The following ZNF329 variants were observed in gnomAD, a reference collection of about 807,000 sequenced individuals.
ZNF329 encodes the protein zinc finger protein 329.
In ZNF329, 15 loss-of-function variants were observed where a neutral mutation model predicts 26.6. The observed-to-expected ratio is 0.56, with a 90% CI of 0.38 to 0.87. ZNF329 has a LOEUF of 0.87. Ranked by LOEUF, ZNF329 falls within the 40% of genes least tolerant of loss-of-function variation. The pLI, the probability that ZNF329 is intolerant of heterozygous loss-of-function variation, is 0.00. For synonymous variants in ZNF329, 239 were observed against 233.5 expected (o/e 1.02, Z -0.21); for missense variants, 651 against 651.9 (o/e 1.00, Z 0.02).
At chr19:58,137,619 G>A (rs1477086448) in intron 3 of ZNF329, among the ~76,000 whole-genome samples, 1 of 151,342 alleles carries the variant, frequency 6.6e-6, no homozygotes, top group Non-Finnish European at 1.5e-5. Context: ...AGAAAATGAA[G>A]AAAACCAAGT....
chr19:58,147,559 C>A (rs2075348547), intron 1 of ZNF329, among the ~76,000 whole-genome samples: 1 of 141,806 alleles, frequency 7.1e-6, no homozygotes, highest in South Asian at 2.2e-4. Context: ...GGGGTCAGCC[C>A]CCCGCCCGGC....
At chr19:58,144,888 C>T (rs1331548678) in intron 1 of ZNF329, among the ~76,000 whole-genome samples, 7 of 140,534 alleles carry the variant, frequency 5.0e-5, no homozygotes, top group Middle Eastern at 3.9e-3. Context: ...TTTGATCTGT[C>T]ACCCAGGCTG....
At position 58,128,117 on chromosome 19, in the gene ZNF329, C is replaced by G; in HGVS notation, c.1387G>C (p.Ala463Pro). 1 of 1,597,106 alleles carries G rather than the reference C, an allele frequency of 6.3e-7. No homozygotes were observed. The highest frequency in any genetic ancestry group is 8.5e-7 in the Non-Finnish European group (1 of 1,171,706). The change falls in exon 4 of 4, where the codon GCC becomes CCC. Residue 463 changes from alanine (A) to proline (P), a missense_variant. Transcript: ENST00000598312. ...KPYECNQCGK[A>P]FRDSSCLTKH... ...GTCAGACAGGAGCTGTCCCTGAAGG[C>G]TTTGCCACACTGATTACACTCATAG... is the stretch of plus-strand genomic sequence containing the variant.
chr19:58,149,411 T>G (rs1190254327), intron 1 of ZNF329, among the ~76,000 whole-genome samples: 1 of 152,150 alleles, frequency 6.6e-6, no homozygotes, highest in African/African-American at 2.4e-5. Flanking sequence ...TGTTGGGTTA[T>G]AGCTCGGGAC....
upstream of ZNF329, among the ~76,000 whole-genome samples, chr19:58,152,955 T>A (rs541352415): frequency 6.6e-6 from 1 of 152,174 alleles, no homozygotes; most frequent in African/African-American, 2.4e-5. Flanking sequence ...ATCAGAAGAA[T>A]AGAAGAGTAT....
chr19:58,151,798 C>T (rs1176223547), upstream of ZNF329, among the ~76,000 whole-genome samples: 1 of 152,082 alleles, frequency 6.6e-6, no homozygotes, highest in Non-Finnish European at 1.5e-5. Flanking sequence ...GATTGTCCAA[C>T]CTCAAGAAAG....
chr19:58,150,290 A>ACT (rs2075419710), intron 1 of ZNF329, among the ~76,000 whole-genome samples: 1 of 152,238 alleles, frequency 6.6e-6, no homozygotes, highest in Non-Finnish European at 1.5e-5. Context: ...GGCTCAGCCC[A>ACT]CTGGCTCACG....
intron 1 of ZNF329, among the ~76,000 whole-genome samples, chr19:58,143,896 C>T (rs959435043): frequency 5.3e-5 from 8 of 152,048 alleles, no homozygotes; most frequent in Non-Finnish European, 8.8e-5. Context: ...GCCTGGCCAA[C>T]ATAGTGAAAC....
intron 3 of ZNF329, among the ~76,000 whole-genome samples, chr19:58,140,710 A>G (rs942959423): frequency 2.0e-5 from 3 of 151,290 alleles, no homozygotes; most frequent in African/African-American, 7.3e-5. Context: ...CACCGCGCCC[A>G]GCCCTTTTTT....
intron 1 of ZNF329, among the ~76,000 whole-genome samples, chr19:58,147,532 C>T (rs867428926): frequency 4.1e-4 from 55 of 134,742 alleles, no homozygotes; most frequent in African/African-American, 1.5e-3. Context: ...AGCCGCCCCG[C>T]CCGGGAGGGA....
upstream of ZNF329, among the ~76,000 whole-genome samples, chr19:58,151,240 A>G (rs924180589): frequency 1.3e-5 from 2 of 152,186 alleles, no homozygotes; most frequent in African/African-American, 4.8e-5. Context: ...GTTGAAAATG[A>G]AAACTACACA....
chr19:58,128,430 G>A lies in ZNF329; in HGVS notation c.1074C>T (p.Leu358=). Residue 358 remains leucine (L), a synonymous_variant, in exon 4 of 4, where the codon CTC becomes CTT. Transcript: ENST00000598312. The part of the protein sequence containing the change: ...CGKAFRDGSY[L]TQHERTHTGE... ...CAGTGTGAGTCCTCTCATGCTGGGTGAGGTACGAGCCGTCCCGGAAAGCCT... is the reference window on the plus strand; with the variant it reads ...CAGTGTGAGTCCTCTCATGCTGGGTAAGGTACGAGCCGTCCCGGAAAGCCT... The A allele has an allele frequency of 3.1e-6, 5 of 1,613,694 alleles. No homozygotes were observed. Among genetic ancestry groups the A allele is most frequent in the Non-Finnish European group, 3.4e-6 (4 of 1,179,856 alleles).
chr19:58,151,463 T>C (rs150222427), upstream of ZNF329, among the ~76,000 whole-genome samples: 1,186 of 151,718 alleles, frequency 7.8e-3, 28 homozygotes, highest in African/African-American at 0.027. Context: ...TAGCTAGGCG[T>C]GGTGGCAGGC....
Position 58,129,062 on chromosome 19 carries a change from T to TGTA in ZNF329, c.439_441dup (p.Tyr147dup). 1 of 1,614,034 alleles carries TGTA rather than the reference T, an allele frequency of 6.2e-7. No individual in the cohort carries two copies. The highest frequency in any genetic ancestry group is 8.5e-7 in the Non-Finnish European group (1 of 1,180,030). On this transcript the variant is annotated inframe_insertion, in exon 4 of 4. Coordinates refer to ENST00000598312, the MANE Select transcript of ZNF329 (RefSeq NM_024620.4). ...AAAGACTTAACACTTTCAGGGTATTTGTAGGGCTTCTCTCTCACTGGATTT... is the reference window on the plus strand; with the variant it reads ...AAAGACTTAACACTTTCAGGGTATTTGTAGTAGGGCTTCTCTCTCACTGGATTT...
At chr19:58,154,817 G>C (rs2075516981), upstream of ZNF329, 1 of 152,316 alleles carries the variant, frequency 6.6e-6, no homozygotes, top group Non-Finnish European at 1.5e-5. Flanking sequence ...CTGTGGGCAG[G>C]ATCGCAGGCA....
chr19:58,141,148 A>G (rs941454685), intron 3 of ZNF329, among the ~76,000 whole-genome samples: 2 of 149,044 alleles, frequency 1.3e-5, no homozygotes, highest in African/African-American at 5.0e-5. Context: ...GAGCCACCAC[A>G]CCCAGCCTAA....
intron 3 of ZNF329, among the ~76,000 whole-genome samples, chr19:58,129,977 C>T (rs2074900719): frequency 6.6e-6 from 1 of 152,188 alleles, no homozygotes; most frequent in East Asian, 1.9e-4. Context: ...ATGGATAGGA[C>T]AAAGCACAGG....
At chr19:58,143,420 C>G (rs2075230506) in intron 1 of ZNF329, among the ~76,000 whole-genome samples, 1 of 152,070 alleles carries the variant, frequency 6.6e-6, no homozygotes, top group Non-Finnish European at 1.5e-5. Flanking sequence ...TTTACTGATG[C>G]GTGACAAAAT....
chr19:58,132,624 G>C (rs933893079), intron 3 of ZNF329: 2 of 148,082 alleles, frequency 1.4e-5, no homozygotes, highest in Admixed American at 6.8e-5. Flanking sequence ...AGGTTGCAGT[G>C]AGACAAGATT....
Sources: allele counts gnomAD v4.1 joint callset (sites outside exome capture counted in the v4.1 genomes callset), GRCh38; gene constraint gnomAD v4.1.1; transcripts MANE v1.5; gene names NCBI Gene and HGNC (gene_info 2026-07-23, HGNC 2026-07-21).